Variants in SLC35D4 observed in about 807,000 individuals in gnomAD.
The protein encoded by SLC35D4 is solute carrier family 35 member D4, also known as UDP-N-acetylglucosamine transporter SLC35D4.
chr18:23,370,369 G>A, the SLC35D4 span: 8 of 1,059,348 alleles, frequency 7.6e-6, no homozygotes, highest in Middle Eastern at 4.2e-4. Context: ...CCAAAAGCAC[G>A]ACTGCTGGTC....
At chr18:23,274,542 C>T in the SLC35D4 span, among the ~76,000 whole-genome samples, 2 of 152,208 alleles carry the variant, frequency 1.3e-5, no homozygotes, top group African/African-American at 4.8e-5. Context: ...AGTCTCCATC[C>T]CCAGCCATCA....
the SLC35D4 span, among the ~76,000 whole-genome samples, chr18:23,286,173 A>T: frequency 6.6e-6 from 1 of 152,264 alleles, no homozygotes; most frequent in Non-Finnish European, 1.5e-5. Context: ...GCAGCCAAAC[A>T]GAAACATATT....
At chr18:23,304,230 T>C in the SLC35D4 span, among the ~76,000 whole-genome samples, 64 of 148,502 alleles carry the variant, frequency 4.3e-4, 1 homozygote, top group East Asian at 0.012. Context: ...TGAGCCGAGA[T>C]TGCGCCACTG....
At chr18:23,354,345 C>A in the SLC35D4 span, among the ~76,000 whole-genome samples, 404 of 99,000 alleles carry the variant, frequency 4.1e-3, no homozygotes, top group Middle Eastern at 7.4e-3. Context: ...ACTAAAAATA[C>A]AAAAAAAAAA....
At chr18:23,386,962 C>T in the SLC35D4 span, among the ~76,000 whole-genome samples, 2 of 152,108 alleles carry the variant, frequency 1.3e-5, no homozygotes, top group African/African-American at 2.4e-5. Context: ...TGGGCTGGAG[C>T]GCAGTGGTGC....
the SLC35D4 span, among the ~76,000 whole-genome samples, chr18:23,431,081 G>C: frequency 6.7e-6 from 1 of 149,504 alleles, no homozygotes; most frequent in East Asian, 2.0e-4. Context: ...TTGAACCTAG[G>C]AGGCAGAGGT....
the SLC35D4 span, among the ~76,000 whole-genome samples, chr18:23,412,091 G>A: frequency 2.0e-5 from 3 of 152,150 alleles, no homozygotes; most frequent in Non-Finnish European, 2.9e-5. Flanking sequence ...AGGCCGAGGC[G>A]GGAGGATCAC....
the SLC35D4 span, among the ~76,000 whole-genome samples, chr18:23,345,873 A>C: frequency 6.6e-6 from 1 of 152,152 alleles, no homozygotes; most frequent in Non-Finnish European, 1.5e-5. Context: ...TAAATGTGAT[A>C]CTTCTTTGTT....
At chr18:23,323,585 C>T in the SLC35D4 span, among the ~76,000 whole-genome samples, 1 of 152,184 alleles carries the variant, frequency 6.6e-6, no homozygotes, top group Non-Finnish European at 1.5e-5. Flanking sequence ...AAAACTTGCA[C>T]AATACATTTA....
the SLC35D4 span, among the ~76,000 whole-genome samples, chr18:23,286,258 A>T: frequency 3.9e-5 from 6 of 151,982 alleles, no homozygotes; most frequent in African/African-American, 1.5e-4. Context: ...ACTTCCAAAC[A>T]CCTAAACCGC....
chr18:23,281,453 GCTGGGAC>G, the SLC35D4 span, among the ~76,000 whole-genome samples: 3 of 152,036 alleles, frequency 2.0e-5, no homozygotes, highest in African/African-American at 7.2e-5. Flanking sequence ...CTCCCAAATA[GCTGGGAC>G]CACAGGCGTG....
At chr18:23,286,518 G>A in the SLC35D4 span, among the ~76,000 whole-genome samples, 7 of 152,048 alleles carry the variant, frequency 4.6e-5, no homozygotes, top group Admixed American at 3.3e-4. Flanking sequence ...TCAGCTTAGC[G>A]GCTGAAGACT....
chr18:23,367,356 C>T, the SLC35D4 span, among the ~76,000 whole-genome samples: 8 of 152,036 alleles, frequency 5.3e-5, no homozygotes, highest in Non-Finnish European at 7.4e-5. Context: ...TCCTAACCAA[C>T]GCAATCAGCC....
At chr18:23,335,527 G>C in the SLC35D4 span, among the ~76,000 whole-genome samples, 2 of 152,120 alleles carry the variant, frequency 1.3e-5, no homozygotes, top group Non-Finnish European at 2.9e-5. Flanking sequence ...TACACACAGA[G>C]GGTCTTTAAA....
At chr18:23,355,349 T>C in the SLC35D4 span, among the ~76,000 whole-genome samples, 28 of 152,070 alleles carry the variant, frequency 1.8e-4, no homozygotes, top group South Asian at 4.4e-3. Flanking sequence ...AACCAAACAA[T>C]GGTTGACCTC....
the SLC35D4 span, among the ~76,000 whole-genome samples, chr18:23,404,334 T>C: frequency 1.3e-5 from 2 of 152,158 alleles, no homozygotes; most frequent in African/African-American, 4.8e-5. Flanking sequence ...TGGGAAGTGA[T>C]TATGCCATAA....
chr18:23,299,468 C>T, the SLC35D4 span, among the ~76,000 whole-genome samples: 90,309 of 151,990 alleles, frequency 0.59, 27,130 homozygotes, highest in Middle Eastern at 0.7. Flanking sequence ...CTTTGGTCAC[C>T]GGATTCACAT....
chr18:23,370,101 C>T, the SLC35D4 span: 1 of 820,978 alleles, frequency 1.2e-6, no homozygotes, highest in African/African-American at 1.8e-5. Context: ...ATCGCTTGAA[C>T]CCGGGGGGTG....
chr18:23,385,428 T>C, the SLC35D4 span, among the ~76,000 whole-genome samples: 1 of 152,028 alleles, frequency 6.6e-6, no homozygotes, highest in Non-Finnish European at 1.5e-5. Flanking sequence ...CAAGCTTTCT[T>C]AGAGGAAGTG....
Sources: allele counts gnomAD v4.1 joint callset (sites outside exome capture counted in the v4.1 genomes callset), GRCh38; gene constraint gnomAD v4.1.1; transcripts MANE v1.5; gene names NCBI Gene and HGNC (gene_info 2026-07-23, HGNC 2026-07-21).